TTC7B: variants seen among roughly 807,000 people sequenced by gnomAD.
The protein encoded by TTC7B is tetratricopeptide repeat domain 7B, also known as tetratricopeptide repeat protein 7B.
A neutral mutation model predicts 106.8 loss-of-function variants in TTC7B; 28 were observed. The observed-to-expected ratio is 0.26, with a 90% CI of 0.19 to 0.36. TTC7B has a LOEUF of 0.36. TTC7B is among the 10% of genes least tolerant of loss of function. The pLI, the probability that TTC7B is intolerant of heterozygous loss-of-function variation, is 1.00. For missense variants in TTC7B, 862 were observed against 1,076.4 expected (o/e 0.80, Z 2.79); for synonymous variants, 405 against 430.6 (o/e 0.94, Z 0.74).
chr14:90,611,052 C>A (rs980859432), intron 16 of TTC7B, among the ~76,000 whole-genome samples: 2 of 152,206 alleles, frequency 1.3e-5, no homozygotes, highest in Admixed American at 1.3e-4. Flanking sequence ...AGGGCATAAA[C>A]CACACCCACA....
At chr14:90,652,749 T>G (rs1885782552) in intron 13 of TTC7B, 92 bp downstream of exon 13, 1 of 1,463,360 alleles carries the variant, frequency 6.8e-7, no homozygotes, top group African/African-American at 1.4e-5. Flanking sequence ...AAACACTGTT[T>G]ACATAATCTT....
At chr14:90,559,437 G>A (rs12435965) in intron 19 of TTC7B, among the ~76,000 whole-genome samples, 153 of 152,362 alleles carry the variant, frequency 1.0e-3, no homozygotes, top group African/African-American at 3.6e-3. Flanking sequence ...CACTGGCGGG[G>A]CAGCTCTGGC....
intron 1 of TTC7B, among the ~76,000 whole-genome samples, chr14:90,787,186 G>C (rs771342292): frequency 2.6e-5 from 4 of 152,078 alleles, no homozygotes; most frequent in Non-Finnish European, 4.4e-5. Context: ...CAGATATCTG[G>C]GAATGCTTGC....
At chr14:90,645,792 G>A (rs1184228970) in intron 14 of TTC7B, among the ~76,000 whole-genome samples, 14 of 152,304 alleles carry the variant, frequency 9.2e-5, no homozygotes, top group South Asian at 2.1e-4. Flanking sequence ...TTCATTTAGC[G>A]AGTATTCCTG....
At chr14:90,645,566 C>T (rs73326854) in intron 14 of TTC7B, among the ~76,000 whole-genome samples, 8,678 of 152,248 alleles carry the variant, frequency 0.057, 326 homozygotes, top group African/African-American at 0.1. Context: ...AAGGCTGCTG[C>T]CACACCCACA....
At chr14:90,758,679 A>G (rs566886227) in intron 3 of TTC7B, among the ~76,000 whole-genome samples, 13 of 152,300 alleles carry the variant, frequency 8.5e-5, no homozygotes, top group African/African-American at 2.9e-4. Flanking sequence ...AGAGGTCCCA[A>G]GACTCGTTCA....
chr14:90,561,864 C>A (rs1335039292), intron 19 of TTC7B, among the ~76,000 whole-genome samples: 1 of 152,206 alleles, frequency 6.6e-6, no homozygotes, highest in Admixed American at 6.5e-5. Flanking sequence ...GCAAAGCCAG[C>A]CCCAAATGCT....
rs186606939 is a variant in TTC7B, at chr14:90,813,909, G to A, written c.121+2266C>T. ...AGTGGGAAGGCCTCACCAGTCAAAC[G>A]GAGGGAAGGCCCCTCTTGCAAACAC... On this transcript the variant is annotated intron_variant, in intron 1 of 19. Coordinates refer to ENST00000328459, the MANE Select transcript of TTC7B (RefSeq NM_001010854.2). Among the ~76,000 whole-genome samples the A allele has an allele frequency of 3.3e-3, 495 of 152,230 alleles. 3 individuals are homozygous for A. The highest frequency in any genetic ancestry group is 4.4e-3 in the South Asian group (21 of 4,816).
chr14:90,767,936 C>G (rs1400417403), intron 3 of TTC7B, among the ~76,000 whole-genome samples: 1 of 152,132 alleles, frequency 6.6e-6, no homozygotes, highest in East Asian at 1.9e-4. Context: ...TGTACTTTTT[C>G]AGCTCCAGAA....
At position 90,539,066 on chromosome 14, in the gene TTC7B, G is replaced by A. The variant is rs1460555031; in HGVS notation, c.*2302C>T. 6.6e-6 allele frequency: 1 copy of A among 152,214 alleles called. No homozygotes were observed. Among genetic ancestry groups the A allele is most frequent in the African/African-American group, 2.4e-5 (1 of 41,448 alleles). 9.4% of individuals were successfully genotyped at this position (152,214 alleles called of 1,614,324 possible). Reference sequence around the variant, plus strand: ...GGGGTGCTTCTCATTGGCCAAGCATGGGTCACATGCCCAAACCCAAACCAG... The same window carrying A: ...GGGGTGCTTCTCATTGGCCAAGCATAGGTCACATGCCCAAACCCAAACCAG... On this transcript the variant is annotated 3_prime_UTR_variant, in exon 20 of 20. Transcript: ENST00000328459.
At chr14:90,687,793 A>G (rs1323012607) in intron 7 of TTC7B, among the ~76,000 whole-genome samples, 1 of 152,186 alleles carries the variant, frequency 6.6e-6, no homozygotes, top group Non-Finnish European at 1.5e-5. Flanking sequence ...GAAAAGGGGG[A>G]TGAAAACTAA....
intron 18 of TTC7B, among the ~76,000 whole-genome samples, chr14:90,591,671 G>A (rs1891964006): frequency 6.6e-6 from 1 of 152,188 alleles, no homozygotes; most frequent in African/African-American, 2.4e-5. Context: ...CCAACTTTGA[G>A]ACCAATTTAA....
At chr14:90,614,750 T>C (rs892874618) in intron 16 of TTC7B, among the ~76,000 whole-genome samples, 8 of 152,230 alleles carry the variant, frequency 5.3e-5, no homozygotes, top group African/African-American at 1.9e-4. Context: ...AATGTAGGGA[T>C]TGAAGATAAC....
At chr14:90,572,406 T>C (rs1023751530) in intron 19 of TTC7B, among the ~76,000 whole-genome samples, 2 of 152,224 alleles carry the variant, frequency 1.3e-5, no homozygotes, top group Non-Finnish European at 1.5e-5. Context: ...CCTCACATCG[T>C]GGGGCCATCT....
intron 7 of TTC7B, among the ~76,000 whole-genome samples, chr14:90,682,190 T>C (rs1168566360): frequency 6.6e-6 from 1 of 152,200 alleles, no homozygotes. Context: ...AGACAGCCTA[T>C]GCTAATTGTG....
In TTC7B at chr14:90,688,618, T is replaced by C. The variant is rs1336807858; in HGVS notation, c.950+922A>G. Among the ~76,000 whole-genome samples the C allele has an allele frequency of 9.2e-5, 6 of 65,122 alleles. No homozygotes were observed. In the East Asian group the frequency reaches 1.2e-3, roughly 13 times the overall value. The allele number at this position is 65,122 out of a possible 152,430, so 42.7% of individuals were successfully genotyped here. A position where few individuals can be genotyped will look rare whatever the true frequency, so the allele number is the denominator to read the frequency against. On this transcript the variant is annotated intron_variant, in intron 7 of 19. Transcript: ENST00000328459. ...AGCCTGGTGACAGAGAGAGGCTCTG[T>C]CTCAAAAAAAAAAAAAAAAAAAAAA...
At chr14:90,565,232 G>C (rs1460562848) in intron 19 of TTC7B, among the ~76,000 whole-genome samples, 1 of 152,106 alleles carries the variant, frequency 6.6e-6, no homozygotes, top group Admixed American at 6.6e-5. Flanking sequence ...CAGCAATAAG[G>C]CTGTTTCGCT....
intron 18 of TTC7B, among the ~76,000 whole-genome samples, chr14:90,588,886 T>TAAAAAAAAAAAAAAAAAAAAAAAAAAAAA (rs572763059): frequency 1.2e-5 from 1 of 81,722 alleles, no homozygotes; most frequent in Non-Finnish European, 2.5e-5. Context: ...AAACAAAAAC[T>TAAAAAAAAAAAAAAAAAAAAAAAAAAAAA]AAAAAAAAAA....
At chr14:90,551,622 A>C (rs1388862426) in intron 19 of TTC7B, among the ~76,000 whole-genome samples, 1 of 152,206 alleles carries the variant, frequency 6.6e-6, no homozygotes, top group Non-Finnish European at 1.5e-5. Flanking sequence ...TGTTTTCAAA[A>C]ATATTTTTCT....
Sources: gnomAD v4.1 joint callset for allele counts (sites outside exome capture counted in the v4.1 genomes callset) on GRCh38, gnomAD v4.1.1 for gene constraint, MANE v1.5 for transcripts, NCBI Gene and HGNC (gene_info 2026-07-23, HGNC 2026-07-21) for gene names.